The following CAST variants were observed in gnomAD, a reference collection of about 807,000 sequenced individuals.
CAST encodes calpastatin, also known as MIR583 host.
In CAST, 76 loss-of-function variants were observed where a neutral mutation model predicts 119.6. The ratio of observed to expected loss-of-function variants is 0.64; its 90% CI spans 0.53 to 0.77. The LOEUF is 0.77. Among genes scored for constraint, CAST ranks in the 30% least tolerant of loss-of-function variants. CAST has a pLI of 0.00. For missense variants in CAST, 953 were observed against 946.5 expected, an observed-to-expected ratio of 1.01 and a Z score of -0.09; for synonymous variants, 319 against 331.6, an observed-to-expected ratio of 0.96 and a Z score of 0.41.
chr5:96,410,806 A>G, the CAST span: 10 of 1,613,966 alleles, frequency 6.2e-6, no homozygotes, highest in African/African-American at 6.7e-5. Flanking sequence ...CCGCTGCTGT[A>G]AGAGGTGGCC....
chr5:96,109,265 A>G, the CAST span, among the ~76,000 whole-genome samples: 100,106 of 152,192 alleles, frequency 0.66, 33,382 homozygotes, highest in African/African-American at 0.74. Flanking sequence ...GCTTTCTATC[A>G]GAATTATAAC....
chr5:96,637,549 G>A (rs1047112599), intron 1 of CAST, among the ~76,000 whole-genome samples: 13 of 152,200 alleles, frequency 8.5e-5, no homozygotes, highest in African/African-American at 1.9e-4. Flanking sequence ...TCAAGCACCC[G>A]AAAGTGACAT....
At chr5:96,371,252 A>T in the CAST span, among the ~76,000 whole-genome samples, 1 of 152,238 alleles carries the variant, frequency 6.6e-6, no homozygotes, top group African/African-American at 2.4e-5. Flanking sequence ...ATTGTGCCAA[A>T]GCATTAAAAA....
chr5:96,362,569 T>A, the CAST span, among the ~76,000 whole-genome samples: 1 of 152,240 alleles, frequency 6.6e-6, no homozygotes, highest in Non-Finnish European at 1.5e-5. Context: ...TTGATTTGCA[T>A]TTCTCTGATG....
chr5:96,410,901 G>C, the CAST span: 1 of 1,613,938 alleles, frequency 6.2e-7, no homozygotes, highest in East Asian at 2.2e-5. Context: ...GATGCTGTCT[G>C]TGTAGCCATC....
chr5:96,566,407 T>G (rs530347251), intron 1 of CAST, among the ~76,000 whole-genome samples: 1 of 152,278 alleles, frequency 6.6e-6, no homozygotes, highest in African/African-American at 2.4e-5. Context: ...TGAAAAGACG[T>G]GACAAGGTGA....
the CAST span, among the ~76,000 whole-genome samples, chr5:96,030,411 C>T: frequency 1.3e-5 from 2 of 152,268 alleles, no homozygotes; most frequent in South Asian, 2.1e-4. Context: ...TTCTCTTCTG[C>T]GCATGAGATT....
At chr5:96,604,737 A>G (rs920779346) in intron 1 of CAST, among the ~76,000 whole-genome samples, 1 of 152,232 alleles carries the variant, frequency 6.6e-6, no homozygotes, top group Non-Finnish European at 1.5e-5. Flanking sequence ...AAGTCACAGA[A>G]GCCAGAATGT....
the CAST span, among the ~76,000 whole-genome samples, chr5:96,049,734 G>A: frequency 6.6e-6 from 1 of 151,972 alleles, no homozygotes; most frequent in Non-Finnish European, 1.5e-5. Context: ...CCTGGAGACA[G>A]TTGGCTCTGT....
chr5:96,711,504 G>A (rs921791600), intron 3 of CAST, among the ~76,000 whole-genome samples: 6 of 152,166 alleles, frequency 3.9e-5, no homozygotes, highest in African/African-American at 1.2e-4. Context: ...ACTGTGCTAA[G>A]TGATTTACAT....
chr5:96,466,071 T>C, the CAST span, among the ~76,000 whole-genome samples: 1 of 152,124 alleles, frequency 6.6e-6, no homozygotes, highest in African/African-American at 2.4e-5. Context: ...TATACTTACT[T>C]GTTTTCTCAG....
chr5:96,046,249 T>G, the CAST span, among the ~76,000 whole-genome samples: 2 of 152,030 alleles, frequency 1.3e-5, no homozygotes, highest in Non-Finnish European at 2.9e-5. Flanking sequence ...CAATAATATA[T>G]ATAATAAACA....
At chr5:96,531,822 G>C (rs1265563794) in intron 1 of CAST, among the ~76,000 whole-genome samples, 2 of 151,996 alleles carry the variant, frequency 1.3e-5, no homozygotes, top group African/African-American at 4.8e-5. Flanking sequence ...TCTGAAAAAA[G>C]GAACCCTCAA....
chr5:96,312,384 C>G, the CAST span, among the ~76,000 whole-genome samples: 1 of 152,192 alleles, frequency 6.6e-6, no homozygotes, highest in Middle Eastern at 3.4e-3. Flanking sequence ...TGTTGTATTT[C>G]TTGAGACCCC....
chr5:96,626,335 C>T (rs1747722495), intron 1 of CAST, among the ~76,000 whole-genome samples: 1 of 152,176 alleles, frequency 6.6e-6, no homozygotes, highest in African/African-American at 2.4e-5. Context: ...TAAAACAAAG[C>T]ATTAAATTAG....
the CAST span, among the ~76,000 whole-genome samples, chr5:96,049,716 T>C: frequency 2.0e-5 from 3 of 151,144 alleles, no homozygotes; most frequent in African/African-American, 7.3e-5. Context: ...GGGATGCACA[T>C]GGAGATGCCT....
intron 3 of CAST, among the ~76,000 whole-genome samples, chr5:96,720,159 TGGGGGA>T (rs1346941927): frequency 9.2e-5 from 14 of 152,200 alleles, no homozygotes; most frequent in Non-Finnish European, 2.1e-4. Flanking sequence ...GATAAACACC[TGGGGGA>T]GCCAATGAAC....
chr5:96,412,185 C>T, the CAST span: 1 of 839,106 alleles, frequency 1.2e-6, no homozygotes, highest in South Asian at 1.5e-5. Context: ...CCTCTAAGTG[C>T]ATTTAAAATT....
the CAST span, among the ~76,000 whole-genome samples, chr5:96,176,535 G>A: frequency 3.3e-5 from 5 of 152,140 alleles, no homozygotes; most frequent in Admixed American, 3.3e-4. Context: ...AGTTTTTGAG[G>A]ATTTTTGAGT....
Sources: allele counts gnomAD v4.1 joint callset (sites outside exome capture counted in the v4.1 genomes callset), GRCh38; gene constraint gnomAD v4.1.1; transcripts MANE v1.5; gene names NCBI Gene and HGNC (gene_info 2026-07-23, HGNC 2026-07-21).